The following FGF13 variants were observed in gnomAD, a reference collection of about 807,000 sequenced individuals.
The protein encoded by FGF13 is fibroblast growth factor 13, also known as fibroblast growth factor homologous factor 2.
Under a neutral mutation model 19.5 loss-of-function variants are expected in FGF13, and 2 were observed. The observed-to-expected ratio is 0.10, with a 90% CI of 0.04 to 0.32. The LOEUF is 0.32. Ranked by LOEUF, FGF13 falls within the 10% of genes least tolerant of loss-of-function variation. The probability of loss-of-function intolerance (pLI) is 1.00; values close to 1 mark genes in which losing one functional copy is unlikely to be tolerated. For missense variants in FGF13, 113 were observed against 192.7 expected (o/e 0.59, Z 2.45); for synonymous variants, 72 against 76.9 (o/e 0.94, Z 0.33).
At position 138,859,001 on chromosome X, in the gene FGF13, A is replaced by C. The variant is rs762948743; in HGVS notation, c.-38-1322T>G. 6.2e-5 allele frequency among the ~76,000 whole-genome samples: 7 copies of C among 112,247 alleles called. No homozygotes were observed. The South Asian group carries it at 2.2e-3, about 36-fold the overall frequency. ...TGTTGTCTTCCTTTATAACTCATTA[A>C]ATTATGCAAGATGGTGATGCTGATA... On this transcript the variant is annotated intron_variant, in intron 2 of 2. Coordinates refer to the FGF13 transcript ENST00000421460.
At chrX:138,950,970 C>G (rs188872831) in intron 1 of FGF13, among the ~76,000 whole-genome samples, 5 of 111,151 alleles carry the variant, frequency 4.5e-5, no homozygotes, top group Middle Eastern at 4.7e-3. Flanking sequence ...CAACAGACAC[C>G]ACTCGTTGAG....
intron 1 of FGF13, among the ~76,000 whole-genome samples, chrX:139,054,161 C>T (rs1428111504): frequency 3.4e-5 from 3 of 87,836 alleles, no homozygotes; most frequent in Non-Finnish European, 6.5e-5. Flanking sequence ...GTCTCGCTCT[C>T]GCCCAGTCTT....
chrX:138,956,122 T>C (rs1440819089), intron 1 of FGF13, among the ~76,000 whole-genome samples: 1 of 111,696 alleles, frequency 9.0e-6, no homozygotes, highest in Non-Finnish European at 1.9e-5. Flanking sequence ...ACAAGCACCA[T>C]ACCAGGGCGA....
rs754817354 is a variant in FGF13, at chrX:139,131,464, CA to C, written c.-113+71951del. On this transcript the variant is annotated intron_variant, in intron 1 of 2. Transcript: ENST00000421460. ...ACAGTAGGCAGTCAAAAATGATGAACAGAGCTAGGTGCAGTGGCTCACACAC... is the reference window on the plus strand; with the variant it reads ...ACAGTAGGCAGTCAAAAATGATGAACGAGCTAGGTGCAGTGGCTCACACAC... Among the ~76,000 whole-genome samples, 4 of 106,512 alleles carry C rather than the reference CA, an allele frequency of 3.8e-5. No individual in the cohort carries two copies. In the East Asian group the frequency reaches 1.2e-3, roughly 32 times the overall value. The allele number at this position is 106,512 out of a possible 115,157, so 92.5% of individuals were successfully genotyped here.
chrX:138,664,314 T>A (rs771530507), intron 3 of FGF13, among the ~76,000 whole-genome samples: 1 of 112,091 alleles, frequency 8.9e-6, no homozygotes, highest in South Asian at 3.7e-4. Context: ...TTAAAGGCCA[T>A]CTAACATTTT....
At chrX:139,042,113 C>T (rs1445683357) in intron 1 of FGF13, among the ~76,000 whole-genome samples, 4 of 112,237 alleles carry the variant, frequency 3.6e-5, no homozygotes, top group Non-Finnish European at 7.5e-5. Context: ...GTCTAAATTA[C>T]CTAAGAGCTT....
rs764574143 is a variant in FGF13 at position 138,756,115 on chromosome X, T to C, written c.218-47187A>G. On this transcript the variant is annotated intron_variant, in intron 3 of 6. Coordinates refer to the FGF13 transcript ENST00000436198. ...AGAAACCAAACCTTGAACTTGGACTTCTAGCCTCCAGAACTGTGAGAAAAT... is the reference window on the plus strand; with the variant it reads ...AGAAACCAAACCTTGAACTTGGACTCCTAGCCTCCAGAACTGTGAGAAAAT... 5.3e-5 allele frequency among the ~76,000 whole-genome samples: 6 copies of C among 112,401 alleles called. No individual in the cohort carries two copies. In the East Asian group the frequency reaches 1.7e-3, roughly 32 times the overall value.
intron 1 of FGF13, among the ~76,000 whole-genome samples, chrX:139,024,957 G>A (rs189032365): frequency 9.0e-6 from 1 of 110,883 alleles, no homozygotes; most frequent in East Asian, 2.9e-4. Flanking sequence ...ATAGTTTACT[G>A]CTTCTTCTAC....
At position 139,087,034 on chromosome X, in the gene FGF13, C is replaced by T. The variant is rs1002706277; in HGVS notation, c.-113+116382G>A. Among the ~76,000 whole-genome samples the T allele has an allele frequency of 4.4e-5, 5 of 112,887 alleles. No individual in the cohort carries two copies. The East Asian group carries it at 1.1e-3, about 25-fold the overall frequency. ...GAAACTGGCTGGGCGCAGTGGCTCA[C>T]GCCTGTAATCCCAGCACTTTGGGAG... On this transcript the variant is annotated intron_variant, in intron 1 of 2. Transcript: ENST00000421460.
chrX:139,015,853 A>G (rs1337901585), intron 1 of FGF13, among the ~76,000 whole-genome samples: 1 of 112,028 alleles, frequency 8.9e-6, no homozygotes, highest in Non-Finnish European at 1.9e-5. Context: ...ACTGGCATAA[A>G]AACAGAAACA....
At chrX:138,661,474 A>G (rs749302932) in intron 3 of FGF13, among the ~76,000 whole-genome samples, 3 of 111,862 alleles carry the variant, frequency 2.7e-5, no homozygotes, top group African/African-American at 6.5e-5. Flanking sequence ...GGATGAATGA[A>G]AACATTTCAC....
intron 3 of FGF13, among the ~76,000 whole-genome samples, chrX:138,693,840 T>A (rs963479847): frequency 9.0e-5 from 10 of 111,721 alleles, no homozygotes; most frequent in African/African-American, 3.2e-5. Flanking sequence ...TTATTTTAGA[T>A]CAATTTCCTT....
intron 1 of FGF13, among the ~76,000 whole-genome samples, chrX:139,173,267 T>C (rs1050389822): frequency 9.0e-6 from 1 of 111,368 alleles, no homozygotes; most frequent in African/African-American, 3.3e-5. Flanking sequence ...TCTTGGGCCA[T>C]TAACCAGCAT....
chrX:138,846,438 C>T (rs748321671), intron 3 of FGF13, among the ~76,000 whole-genome samples: 50 of 111,643 alleles, frequency 4.5e-4, no homozygotes, highest in Non-Finnish European at 6.8e-4. Context: ...TGCTCATGCA[C>T]GGAAAGAGAG....
chrX:139,123,285 T>C (rs771373517), intron 1 of FGF13, among the ~76,000 whole-genome samples: 1 of 111,899 alleles, frequency 8.9e-6, no homozygotes, highest in Non-Finnish European at 1.9e-5. Flanking sequence ...CTTCTTATTG[T>C]ATTTTTTTAA....
At chrX:139,050,890 T>A (rs1008120047) in intron 1 of FGF13, among the ~76,000 whole-genome samples, 1 of 112,074 alleles carries the variant, frequency 8.9e-6, no homozygotes, top group East Asian at 2.8e-4. Context: ...ACACTCCTCC[T>A]CTCTGGTTCT....
chrX:139,096,501 G>C (rs150073686), intron 1 of FGF13, among the ~76,000 whole-genome samples: 104 of 112,051 alleles, frequency 9.3e-4, no homozygotes, highest in African/African-American at 3.1e-3. Context: ...TAGAAAAATT[G>C]TGTTTTGTAA....
intron 3 of FGF13, among the ~76,000 whole-genome samples, chrX:138,650,724 A>T (rs902746669): frequency 8.9e-6 from 1 of 111,911 alleles, no homozygotes; most frequent in Non-Finnish European, 1.9e-5. Flanking sequence ...TAGCATATCC[A>T]TCACCTTAAA....
chrX:139,079,306 G>A (rs1383178212), intron 1 of FGF13, among the ~76,000 whole-genome samples: 1 of 111,336 alleles, frequency 9.0e-6, no homozygotes, highest in Non-Finnish European at 1.9e-5. Context: ...TCAGACAAAG[G>A]TGAGAGCTTA....
Sources: allele counts gnomAD v4.1 joint callset (sites outside exome capture counted in the v4.1 genomes callset), GRCh38; gene constraint gnomAD v4.1.1; transcripts MANE v1.5; gene names NCBI Gene and HGNC (gene_info 2026-07-23, HGNC 2026-07-21).